FN1: variants seen among roughly 807,000 people sequenced by gnomAD.
FN1 encodes the protein fibronectin.
In FN1, 106 loss-of-function variants were observed where a neutral mutation model predicts 297.3. The observed-to-expected ratio is 0.36, with a 90% CI of 0.30 to 0.42. FN1 has a LOEUF of 0.42. Ranked by LOEUF, FN1 falls within the 10% of genes least tolerant of loss-of-function variation. The pLI, the probability that FN1 is intolerant of heterozygous loss-of-function variation, is 1.00. For synonymous variants in FN1, 1,149 were observed against 1,152.6 expected (o/e 1.00, Z 0.06); for missense variants, 2,690 against 3,124.9 (o/e 0.86, Z 3.32).
intron 23 of FN1, among the ~76,000 whole-genome samples, chr2:215,395,274 T>TA (rs1553623760): frequency 6.6e-6 from 1 of 152,142 alleles, no homozygotes; most frequent in Non-Finnish European, 1.5e-5. Context: ...TGCTGATACT[T>TA]ATTCTAGAAA....
chr2:215,413,489 G>A lies in FN1; in HGVS notation c.1941+1348C>T, dbSNP rs571647439. Among the ~76,000 whole-genome samples, 9 of 152,260 alleles carry A rather than the reference G, an allele frequency of 5.9e-5. No individual in the cohort carries two copies. The East Asian group carries it at 1.7e-3, about 29-fold the overall frequency. ...TATTTTAACTGCATTATTTGCCCCT[G>A]TGATTAATTATCCACAAGCCTACTT... On this transcript the variant is annotated intron_variant, in intron 13 of 45. Transcript: ENST00000354785.
intron 20 of FN1, among the ~76,000 whole-genome samples, chr2:215,402,373 A>C (rs768006369): frequency 5.3e-5 from 8 of 152,320 alleles, no homozygotes; most frequent in Non-Finnish European, 1.2e-4. Flanking sequence ...CCAGCTGTTA[A>C]AGAAATAAAA....
intron 34 of FN1, 27 bp from the exon 35 acceptor site, chr2:215,378,289 T>G: frequency 7.7e-7 from 1 of 1,291,310 alleles, no homozygotes; most frequent in Middle Eastern, 1.8e-4. Flanking sequence ...ATGGTGAGCT[T>G]TAGCAACGTC....
At chr2:215,432,066 GAC>G (rs1416116072) in intron 3 of FN1, 102 bp from the exon 4 acceptor site, 53 of 1,364,672 alleles carry the variant, frequency 3.9e-5, no homozygotes, top group Non-Finnish European at 5.3e-5. Flanking sequence ...CTAAAGTAGA[GAC>G]ACAGACAACA....
Position 215,408,446 on chromosome 2 carries a change from G to A in FN1, c.2300-20C>T. 6.2e-7 allele frequency: 1 copy of A among 1,613,642 alleles called. No individual in the cohort carries two copies. The highest frequency in any genetic ancestry group is 8.5e-7 in the Non-Finnish European group (1 of 1,179,756). On this transcript the variant is annotated intron_variant, in intron 15 of 45. Coordinates refer to ENST00000354785, the MANE Select transcript of FN1 (RefSeq NM_212482.4). ...GAAGATCTTTGAAATGAAAAGAAAA[G>A]GTAACTAATCAGAGCAAACTAGTCC...
rs528179850 is a variant in FN1, at chr2:215,385,567, GA to G, written c.4613-592del. ...ACAGAGCAAGACTCCATTTCAGGAAGAAAAAAAAAAAAAAAAAAGTAATACA... is the reference window on the plus strand; with the variant it reads ...ACAGAGCAAGACTCCATTTCAGGAAGAAAAAAAAAAAAAAAAAGTAATACA... On this transcript the variant is annotated intron_variant, in intron 28 of 45. Transcript: ENST00000354785. Among the ~76,000 whole-genome samples, 286 of 113,930 alleles carry G rather than the reference GA, an allele frequency of 2.5e-3. 1 individual carries two copies. The highest frequency in any genetic ancestry group is 6.1e-3 in the Admixed American group (70 of 11,552). 74.7% of individuals were successfully genotyped at this position (113,930 alleles called of 152,430 possible). A position where few individuals can be genotyped will look rare whatever the true frequency, so the allele number is the denominator to read the frequency against.
At chr2:215,420,930 T>C in intron 10 of FN1, 129 bp from the exon 11 acceptor site, 2 of 919,240 alleles carry the variant, frequency 2.2e-6, no homozygotes, top group Non-Finnish European at 3.4e-6. Context: ...AAATAACTTT[T>C]CTACAAGCAT....
chr2:215,434,684 G>C lies in FN1; in HGVS notation c.277+12C>G, dbSNP rs1333181119. On this transcript the variant is annotated intron_variant, in intron 2 of 45. Coordinates refer to ENST00000354785, the MANE Select transcript of FN1 (RefSeq NM_212482.4). ...TTAAAAGATACTAACTATGGGGCTT[G>C]TTGTCACTTACCTTCAGGTTTACTC... The C allele has an allele frequency of 3.7e-6, 6 of 1,614,032 alleles. No individual in the cohort carries two copies. Among genetic ancestry groups the C allele is most frequent in the Non-Finnish European group, 5.1e-6 (6 of 1,180,000 alleles).
chr2:215,427,161 C>T (rs1265608574), intron 6 of FN1, among the ~76,000 whole-genome samples: 2 of 152,136 alleles, frequency 1.3e-5, no homozygotes, highest in African/African-American at 2.4e-5. Flanking sequence ...AGGCGTGAGC[C>T]ACCGCGCGTG....
At position 215,430,802 on chromosome 2, in the gene FN1, T is replaced by C. The variant is rs369667121; in HGVS notation, c.598A>G (p.Thr200Ala). 46 of 1,614,050 alleles carry C rather than the reference T, an allele frequency of 2.8e-5. No individual in the cohort carries two copies. The highest frequency in any genetic ancestry group is 3.7e-5 in the Non-Finnish European group (44 of 1,180,012). ...CAGCCTTGGTAGGGCTTCTCCCACGTTTCTCCGACCACATAGGAAGTCCCA... is the reference window on the plus strand; with the variant it reads ...CAGCCTTGGTAGGGCTTCTCCCACGCTTCTCCGACCACATAGGAAGTCCCA... ...AAGTSYVVGE[T>A]WEKPYQGWMM... The change falls in exon 5 of 46, where the codon ACG becomes GCG. Residue 200 changes from threonine to alanine, a missense_variant. Around this residue, in one of 3 missense-constraint regions of FN1, gnomAD observed 876 missense variants for 1,058.1 expected, o/e 0.83. Coordinates refer to ENST00000354785, the MANE Select transcript of FN1 (RefSeq NM_212482.4).
Position 215,382,255 on chromosome 2 carries a change from A to C in FN1, c.5121T>G (p.Asn1707Lys). The C allele has an allele frequency of 6.2e-7, 1 of 1,614,006 alleles. No individual in the cohort carries two copies. Among genetic ancestry groups the C allele is most frequent in the East Asian group, 2.2e-5 (1 of 44,872 alleles). Residue 1707 changes from asparagine to lysine, a missense_variant, in exon 32 of 46, where the codon AAT becomes AAG. By Grantham distance (94) the Asn-to-Lys change is moderately conservative. Around this residue, in one of 3 missense-constraint regions of FN1, gnomAD observed 1,743 missense variants for 1,945.2 expected, o/e 0.90. Transcript: ENST00000354785. ...VEYVVSVYAQ[N>K]PSGESQPLVQ... Reference sequence around the variant, plus strand: ...CCAGAGGCTGACTCTCTCCGCTTGGATTCTGAGCATAGACACTAACCACAT... The same window carrying C: ...CCAGAGGCTGACTCTCTCCGCTTGGCTTCTGAGCATAGACACTAACCACAT...
intron 12 of FN1, among the ~76,000 whole-genome samples, chr2:215,416,827 C>T (rs2063494016): frequency 6.6e-6 from 1 of 152,302 alleles, no homozygotes; most frequent in African/African-American, 2.4e-5. Context: ...AAAAAGGGTA[C>T]AGCAGTGGTT....
chr2:215,371,001 G>A (rs1383370446), intron 40 of FN1, among the ~76,000 whole-genome samples: 3 of 152,208 alleles, frequency 2.0e-5, no homozygotes, highest in Non-Finnish European at 4.4e-5. Context: ...TGTAGTGGGT[G>A]GCTCATGCTT....
intron 10 of FN1, chr2:215,421,173 G>A: frequency 3.1e-6 from 1 of 321,168 alleles, no homozygotes; most frequent in Non-Finnish European, 6.0e-6. Context: ...GGATAAATAA[G>A]AAGAAGATTA....
rs78123776 is a variant in FN1, at chr2:215,378,096, C to A, written c.5710+79G>T. Reference sequence around the variant, plus strand: ...GTGCTTGGATTTTAGACATGAGCCACTGAACCCCACTGATTTACCATTCTT... The same window carrying A: ...GTGCTTGGATTTTAGACATGAGCCAATGAACCCCACTGATTTACCATTCTT... On this transcript the variant is annotated intron_variant, in intron 35 of 45. Transcript: ENST00000354785. The A allele has an allele frequency of 2.7e-3, 2,531 of 929,994 alleles. 75 individuals are homozygous for A. The East Asian group carries it at 0.052, about 19-fold the overall frequency. 57.6% of individuals were successfully genotyped at this position (929,994 alleles called of 1,614,324 possible).
intron 5 of FN1, 53 bp from the exon 6 acceptor site, chr2:215,428,391 C>A: frequency 6.5e-7 from 1 of 1,535,788 alleles, no homozygotes; most frequent in South Asian, 1.1e-5. Flanking sequence ...CGCAAGTGGT[C>A]AATTCAAACT....
In FN1 at chr2:215,405,326, T is replaced by C. The variant is rs1284897994; in HGVS notation, c.2987-671A>G. Among the ~76,000 whole-genome samples, 3 of 152,226 alleles carry C rather than the reference T, an allele frequency of 2.0e-5. 1 individual carries two copies. The highest frequency in any genetic ancestry group is 4.4e-5 in the Non-Finnish European group (3 of 68,036). On this transcript the variant is annotated intron_variant, in intron 19 of 45. Coordinates refer to ENST00000354785, the MANE Select transcript of FN1 (RefSeq NM_212482.4). ...TTTAAGAGGCAGTCGAGTATAATAA[T>C]TGAGAGCATGGGCTTCGGACATAGG...
chr2:215,366,444 A>C (rs1205078577), intron 42 of FN1, among the ~76,000 whole-genome samples: 1 of 152,196 alleles, frequency 6.6e-6, no homozygotes, highest in Non-Finnish European at 1.5e-5. Flanking sequence ...TGGGAAGAGT[A>C]AAAAATGAAC....
chr2:215,384,510 A>C, intron 29 of FN1: 1 of 389,030 alleles, frequency 2.6e-6, no homozygotes, highest in Non-Finnish European at 4.5e-6. Flanking sequence ...TAAAACTTTT[A>C]ACAGAATACA....
Sources: allele counts gnomAD v4.1 joint callset (sites outside exome capture counted in the v4.1 genomes callset), GRCh38; gene constraint gnomAD v4.1.1; regional missense constraint gnomAD v4.1.1; transcripts MANE v1.5; gene names NCBI Gene and HGNC (gene_info 2026-07-23, HGNC 2026-07-21).